The following FOLH1 variants were observed in gnomAD, a reference collection of about 807,000 sequenced individuals.
The protein encoded by FOLH1 is glutamate carboxypeptidase 2.
In FOLH1, 54 loss-of-function variants were observed where a neutral mutation model predicts 93.9. The ratio of observed to expected loss-of-function variants is 0.57; its 90% confidence interval spans 0.46 to 0.72. The LOEUF (loss-of-function observed/expected upper bound fraction) is 0.72, where lower values mean the gene tolerates loss of function less well. Among genes scored for constraint, FOLH1 ranks in the 30% least tolerant of loss-of-function variants. The pLI is 0.00. For missense variants in FOLH1, 571 were observed against 892.5 expected, an observed-to-expected ratio of 0.64 and a Z score of 4.59; for synonymous variants, 249 against 303.6, an observed-to-expected ratio of 0.82 and a Z score of 1.87.
At chr11:49,200,111 T>G in intron 3 of FOLH1, 144 bp downstream of exon 3, 62 of 812,120 alleles carry the variant, frequency 7.6e-5, no homozygotes, top group Non-Finnish European at 9.8e-5. Flanking sequence ...ACACGGATAA[T>G]GAGATATTAA....
At chr11:49,148,230 C>T (rs1399784474) in intron 18 of FOLH1, among the ~76,000 whole-genome samples, 7 of 150,524 alleles carry the variant, frequency 4.7e-5, no homozygotes, top group Admixed American at 6.6e-5. Context: ...TTATTATATA[C>T]ATTATATATA....
intron 4 of FOLH1, among the ~76,000 whole-genome samples, chr11:49,187,778 T>G (rs1861582932): frequency 6.6e-6 from 1 of 152,228 alleles, no homozygotes; most frequent in Non-Finnish European, 1.5e-5. Context: ...TGTCAGCCCC[T>G]TCAAGGATTG....
chr11:49,157,352 C>T lies in FOLH1; in HGVS notation c.1533-545G>A, dbSNP rs2773226. Among the ~76,000 whole-genome samples the T allele has an allele frequency of 9.9e-5, 15 of 152,082 alleles. No homozygotes were observed. In the East Asian group the frequency reaches 1.3e-3, roughly 14 times the overall value. The stretch of plus-strand genomic sequence containing the variant: ...ACAAGGTGATGAGGTGGCAGAAAAA[C>T]GAGGAAAATTACTTTTCACCATTAT... On this transcript the variant is annotated intron_variant, in intron 14 of 18. Coordinates refer to ENST00000256999, the MANE Select transcript of FOLH1 (RefSeq NM_004476.3).
chr11:49,169,315 C>A, intron 11 of FOLH1, 57 bp from the exon 12 acceptor site: 10 of 1,493,954 alleles, frequency 6.7e-6, no homozygotes, highest in Non-Finnish European at 9.3e-6. Context: ...CCCTCCCCCA[C>A]AAAATGCACA....
intron 3 of FOLH1, among the ~76,000 whole-genome samples, chr11:49,198,304 A>AC (rs1338208631): frequency 6.6e-6 from 1 of 151,986 alleles, no homozygotes; most frequent in Non-Finnish European, 1.5e-5. Flanking sequence ...AAACTGTGAA[A>AC]CCCCGTCTCC....
chr11:49,171,374 T>C, intron 10 of FOLH1, 97 bp from the exon 11 acceptor site: 9 of 1,326,416 alleles, frequency 6.8e-6, no homozygotes, highest in Non-Finnish European at 9.1e-6. Context: ...AAAAAAGTCA[T>C]TGATGGTTTG....
chr11:49,201,620 G>A (rs1028388685), intron 2 of FOLH1, among the ~76,000 whole-genome samples: 2 of 152,014 alleles, frequency 1.3e-5, no homozygotes, highest in Non-Finnish European at 2.9e-5. Flanking sequence ...TTTCTAATAT[G>A]GAAAATATTG....
At chr11:49,203,576 T>C (rs1863509765) in intron 2 of FOLH1, among the ~76,000 whole-genome samples, 2 of 152,208 alleles carry the variant, frequency 1.3e-5, no homozygotes, top group Non-Finnish European at 2.9e-5. Context: ...GGAGATTCTG[T>C]GGTCCTTGGA....
intron 3 of FOLH1, among the ~76,000 whole-genome samples, chr11:49,194,383 C>T (rs1342690270): frequency 6.6e-6 from 1 of 151,728 alleles, no homozygotes; most frequent in African/African-American, 2.4e-5. Flanking sequence ...AGGAATCAGC[C>T]TTCAAATTAG....
rs1590533142 is a variant in FOLH1 at position 49,171,310 on chromosome 11, A to C, written c.1226-33T>G. On this transcript the variant is annotated intron_variant, in intron 10 of 18. Coordinates refer to ENST00000256999, the MANE Select transcript of FOLH1 (RefSeq NM_004476.3). ...GTATGTGTATATATAAATGATAGAA[A>C]AAAAATTCATAATATACCCAGGACA... 4 of 1,531,214 alleles carry C rather than the reference A, an allele frequency of 2.6e-6. No individual in the cohort carries two copies. The East Asian group carries it at 9.6e-5, about 37-fold the overall frequency. 94.9% of individuals were successfully genotyped at this position (1,531,214 alleles called of 1,614,324 possible).
chr11:49,208,016 C>T (rs1400314538), intron 1 of FOLH1: 1 of 653,946 alleles, frequency 1.5e-6, no homozygotes, highest in East Asian at 2.8e-5. Flanking sequence ...GGCTCCAGCA[C>T]TTGGAACCTT....
chr11:49,177,242 T>C (rs1860163079), intron 7 of FOLH1, among the ~76,000 whole-genome samples: 1 of 152,220 alleles, frequency 6.6e-6, no homozygotes, highest in Admixed American at 6.5e-5. Context: ...ACTAAGGAGT[T>C]TGTATATTAA....
At position 49,173,360 on chromosome 11, in the gene FOLH1, C is replaced by T; in HGVS notation, c.1222G>A (p.Glu408Lys). The stretch of plus-strand genomic sequence containing the variant: ...TCTTGCTGTTTGTTTGTATTACCTT[C>T]CTTTTTCAGTGTTCCAAAGCTCCTC... The part of the protein sequence containing the change: ...IVRSFGTLKK[E>K]GWRPRRTILF... Residue 408 changes from glutamate to lysine, a missense_variant, in exon 10 of 19, where the codon GAA (glutamate) becomes AAA (lysine). Glu to Lys is a moderately conservative substitution (Grantham distance 56). This residue lies in a region of FOLH1 where 500 missense variants were observed against 822.9 expected (regional missense o/e 0.61). Transcript: ENST00000256999. 6.2e-7 allele frequency: 1 copy of T among 1,608,530 alleles called. No individual in the cohort carries two copies. Among genetic ancestry groups the T allele is most frequent in the Non-Finnish European group, 8.5e-7 (1 of 1,176,716 alleles).
At chr11:49,186,041 AATCCTCAGAAC>A (rs1861326767) in intron 5 of FOLH1, 186 bp from the exon 6 acceptor site, 1 of 886,394 alleles carries the variant, frequency 1.1e-6, no homozygotes, top group Non-Finnish European at 1.5e-6. Context: ...AAGCTCTAAA[AATCCTCAGAAC>A]ATCAGATTTA....
chr11:49,160,765 G>A (rs1417009776), intron 13 of FOLH1, among the ~76,000 whole-genome samples: 1 of 152,004 alleles, frequency 6.6e-6, no homozygotes, highest in East Asian at 1.9e-4. Context: ...TTTTAATGTG[G>A]GCATTTAGTG....
intron 4 of FOLH1, among the ~76,000 whole-genome samples, chr11:49,188,150 CT>C (rs1418734281): frequency 6.6e-6 from 1 of 152,144 alleles, no homozygotes; most frequent in African/African-American, 2.4e-5. Context: ...ATCAGTATAT[CT>C]TTATAAGTCA....
chr11:49,206,100 T>A lies in FOLH1; in HGVS notation c.191A>T (p.Glu64Val). The A allele has an allele frequency of 6.2e-7, 1 of 1,612,578 alleles. No individual in the cohort carries two copies. Among genetic ancestry groups the A allele is most frequent in the Non-Finnish European group, 8.5e-7 (1 of 1,179,322 alleles). Residue 64 changes from glutamate to valine, a missense_variant, in exon 2 of 19, where the codon GAA (glutamate) becomes GTA (valine). By Grantham distance (121) the Glu-to-Val change is moderately radical. Coordinates refer to ENST00000256999, the MANE Select transcript of FOLH1 (RefSeq NM_004476.3). ...CTTCTTGATGTTCTCAGCTTTCAAT[T>A]CATCCAAAAATGCTTTCATATTATG... Reference protein sequence around the residue: ...PKHNMKAFLDELKAENIKKFL... With the variant: ...PKHNMKAFLDVLKAENIKKFL...
intron 7 of FOLH1, among the ~76,000 whole-genome samples, chr11:49,182,925 T>TA (rs1860944431): frequency 6.6e-6 from 1 of 152,146 alleles, no homozygotes; most frequent in Non-Finnish European, 1.5e-5. Flanking sequence ...TCCCTGAAGT[T>TA]AAACATCTGA....
At chr11:49,181,410 C>T (rs1860719195) in intron 7 of FOLH1, among the ~76,000 whole-genome samples, 1 of 151,404 alleles carries the variant, frequency 6.6e-6, no homozygotes, top group Non-Finnish European at 1.5e-5. Context: ...GCGCCCAGCC[C>T]CATGTTTTAA....
Sources: gnomAD v4.1 joint callset for allele counts (sites outside exome capture counted in the v4.1 genomes callset) on GRCh38, gnomAD v4.1.1 for gene constraint, gnomAD v4.1.1 regional missense constraint, MANE v1.5 for transcripts, NCBI Gene and HGNC (gene_info 2026-07-23, HGNC 2026-07-21) for gene names.